The following CSMD1 variants were observed in gnomAD, a reference collection of about 807,000 sequenced individuals.
The protein encoded by CSMD1 is CUB and sushi domain-containing protein 1.
A neutral mutation model predicts 417.5 loss-of-function variants in CSMD1; 213 were observed. The ratio of observed to expected loss-of-function variants is 0.51; its 90% CI spans 0.46 to 0.57. The LOEUF is 0.57. CSMD1 is among the 20% of genes least tolerant of loss of function. The pLI is 0.00. For synonymous variants in CSMD1, 2,862 were observed against 1,736.8 expected, an observed-to-expected ratio of 1.65 and a Z score of -16.11; for missense variants, 6,923 against 4,529.7, an observed-to-expected ratio of 1.53 and a Z score of -15.17.
chr8:4,070,476 G>C (rs902570998), intron 3 of CSMD1, among the ~76,000 whole-genome samples: 6 of 152,032 alleles, frequency 3.9e-5, no homozygotes, highest in African/African-American at 9.7e-5. Context: ...TCCCACCTCA[G>C]CCTCCCGAGT....
Position 4,228,790 on chromosome 8 carries a change from T to G in CSMD1, c.415+191163A>C, listed in dbSNP as rs116979471. ...CCTCTGCCTCCTGGGTTCAAAAGAT[T>G]CTCCTGCTTCTGCATCCCAAGTAGC... On this transcript the variant is annotated intron_variant, in intron 3 of 69. Transcript: ENST00000635120. Among the ~76,000 whole-genome samples, 165 of 152,114 alleles carry G rather than the reference T, an allele frequency of 1.1e-3. 1 individual carries two copies. Among genetic ancestry groups the G allele is most frequent in the Non-Finnish European group, 1.9e-3 (132 of 67,990 alleles).
intron 25 of CSMD1, among the ~76,000 whole-genome samples, chr8:3,305,453 T>A (rs1804757622): frequency 6.6e-6 from 1 of 151,134 alleles, no homozygotes; most frequent in Non-Finnish European, 1.5e-5. Context: ...TCATAAGGGC[T>A]GGGCCCTCAT....
intron 5 of CSMD1, among the ~76,000 whole-genome samples, chr8:3,843,927 G>A (rs912069794): frequency 1.3e-5 from 2 of 152,150 alleles, no homozygotes; most frequent in African/African-American, 4.8e-5. Context: ...TCCATTGCAT[G>A]CGCACAAGGT....
chr8:4,713,272 G>T (rs779317286), intron 1 of CSMD1, among the ~76,000 whole-genome samples: 1 of 152,252 alleles, frequency 6.6e-6, no homozygotes, highest in Non-Finnish European at 1.5e-5. Context: ...GAGCAGGAGA[G>T]TGTAGTTTAA....
intron 41 of CSMD1, among the ~76,000 whole-genome samples, chr8:3,122,198 G>C (rs1305656472): frequency 1.3e-5 from 2 of 152,028 alleles, no homozygotes; most frequent in African/African-American, 4.8e-5. Flanking sequence ...TAAATTACTA[G>C]TTATAGAATG....
At chr8:3,293,467 C>G (rs552974727) in intron 25 of CSMD1, among the ~76,000 whole-genome samples, 15 of 152,342 alleles carry the variant, frequency 9.8e-5, no homozygotes, top group African/African-American at 3.6e-4. Context: ...GTACACCAAT[C>G]AGACGTAGAT....
At chr8:4,527,779 T>G (rs1796595083) in intron 2 of CSMD1, among the ~76,000 whole-genome samples, 2 of 152,206 alleles carry the variant, frequency 1.3e-5, no homozygotes, top group Admixed American at 6.5e-5. Context: ...TATTCATTCT[T>G]TTTACTGATG....
chr8:3,957,701 G>T (rs1297521492), intron 5 of CSMD1, among the ~76,000 whole-genome samples: 2 of 118,992 alleles, frequency 1.7e-5, no homozygotes, highest in Admixed American at 9.1e-5. Context: ...AAAAAGAAGA[G>T]AAGAGGAAAA....
chr8:4,361,693 C>T (rs990644933), intron 3 of CSMD1, among the ~76,000 whole-genome samples: 1 of 151,874 alleles, frequency 6.6e-6, no homozygotes, highest in Non-Finnish European at 1.5e-5. Context: ...GCTTGGCTCA[C>T]GCCTGTAATC....
intron 10 of CSMD1, among the ~76,000 whole-genome samples, chr8:3,532,328 TA>T (rs1486185277): frequency 2.6e-5 from 4 of 152,166 alleles, no homozygotes; most frequent in African/African-American, 9.7e-5. Flanking sequence ...GCCAGGGTTT[TA>T]AGAATCTCCT....
rs865813022 is a variant in CSMD1 at position 2,938,100 on chromosome 8, C to G, written c.*485G>C. 1 of 152,832 alleles carries G rather than the reference C, an allele frequency of 6.5e-6. No homozygotes were observed. Among genetic ancestry groups the G allele is most frequent in the Non-Finnish European group, 1.5e-5 (1 of 68,422 alleles). 9.5% of individuals were successfully genotyped at this position (152,832 alleles called of 1,614,324 possible). On this transcript the variant is annotated 3_prime_UTR_variant, in exon 70 of 70. Transcript: ENST00000635120. Reference sequence around the variant, plus strand: ...TGAGCCTCTATCAGAAAGGTGTCTTCTTCCAGAAAGCTTTTTATTTTTTTC... The same window carrying G: ...TGAGCCTCTATCAGAAAGGTGTCTTGTTCCAGAAAGCTTTTTATTTTTTTC...
chr8:3,675,431 G>A (rs1007382208), intron 7 of CSMD1, among the ~76,000 whole-genome samples: 41 of 152,170 alleles, frequency 2.7e-4, no homozygotes, highest in Non-Finnish European at 2.9e-5. Context: ...GAAGTCTTCT[G>A]GATGGAAAGA....
chr8:3,946,063 A>G (rs1001723740), intron 5 of CSMD1, among the ~76,000 whole-genome samples: 1 of 152,184 alleles, frequency 6.6e-6, no homozygotes, highest in Non-Finnish European at 1.5e-5. Flanking sequence ...TTTCAATACT[A>G]ACGTAAAGTG....
chr8:3,782,795 CAA>C (rs930704163), intron 5 of CSMD1, among the ~76,000 whole-genome samples: 1 of 152,122 alleles, frequency 6.6e-6, no homozygotes, highest in African/African-American at 2.4e-5. Flanking sequence ...TTAAAGATAA[CAA>C]ATGATTTTAT....
At chr8:3,875,140 T>A (rs920321217) in intron 5 of CSMD1, among the ~76,000 whole-genome samples, 3 of 152,056 alleles carry the variant, frequency 2.0e-5, no homozygotes, top group African/African-American at 2.4e-5. Flanking sequence ...TGGAAATTAC[T>A]CGATGTAAAA....
intron 5 of CSMD1, among the ~76,000 whole-genome samples, chr8:3,848,297 C>T (rs1029016955): frequency 3.3e-5 from 5 of 152,066 alleles, no homozygotes; most frequent in South Asian, 4.1e-4. Flanking sequence ...CATTCTACTG[C>T]GATCCCACTA....
At chr8:4,872,644 A>G (rs1802802023) in intron 1 of CSMD1, among the ~76,000 whole-genome samples, 1 of 152,118 alleles carries the variant, frequency 6.6e-6, no homozygotes, top group Admixed American at 6.5e-5. Context: ...AAACAGTCTA[A>G]TACACTGCCT....
At chr8:3,128,879 G>A (rs1469555546) in intron 41 of CSMD1, 1 of 454,896 alleles carries the variant, frequency 2.2e-6, no homozygotes, top group Admixed American at 2.4e-5. Context: ...TGGGAAAGCA[G>A]GACCAATGTT....
chr8:3,535,314 C>G (rs1798150745), intron 10 of CSMD1, among the ~76,000 whole-genome samples: 1 of 151,916 alleles, frequency 6.6e-6, no homozygotes, highest in Non-Finnish European at 1.5e-5. Context: ...GCCGTACTTT[C>G]TATCTTTCTA....
Sources: gnomAD v4.1 joint callset for allele counts (sites outside exome capture counted in the v4.1 genomes callset) on GRCh38, gnomAD v4.1.1 for gene constraint, MANE v1.5 for transcripts, NCBI Gene and HGNC (gene_info 2026-07-23, HGNC 2026-07-21) for gene names.